Variants in NHLRC2 observed in about 807,000 individuals in gnomAD.
The protein encoded by NHLRC2 is NHL repeat containing 2.
A neutral mutation model predicts 68.1 loss-of-function variants in NHLRC2; 33 were observed. The ratio of observed to expected loss-of-function variants is 0.48; its 90% CI spans 0.37 to 0.65. The LOEUF is 0.65. Among genes scored for constraint, NHLRC2 ranks in the 30% least tolerant of loss-of-function variants. NHLRC2 has a pLI of 0.00. For missense variants in NHLRC2, 761 were observed against 853.8 expected, an observed-to-expected ratio of 0.89 and a Z score of 1.35; for synonymous variants, 311 against 309.6, an observed-to-expected ratio of 1.00 and a Z score of -0.05.
At chr10:113,871,278 C>T (rs1213047798) in intron 2 of NHLRC2, among the ~76,000 whole-genome samples, 1 of 152,132 alleles carries the variant, frequency 6.6e-6, no homozygotes, top group African/African-American at 2.4e-5. Flanking sequence ...CCAGCCTCGG[C>T]CTCCCAAAGT....
Position 113,888,354 on chromosome 10 carries a change from T to C in NHLRC2, c.1039+3974T>C, listed in dbSNP as rs182003645. Among the ~76,000 whole-genome samples the C allele has an allele frequency of 3.3e-3, 496 of 152,312 alleles. 1 individual carries two copies. The highest frequency in any genetic ancestry group is 0.011 in the African/African-American group (472 of 41,560). On this transcript the variant is annotated intron_variant, in intron 5 of 10. Transcript: ENST00000369301. Reference sequence around the variant, plus strand: ...AAAAATGTTGGTATATTCATAGATATATTATTTAGCTTGATTGAATCTTTC... The same window carrying C: ...AAAAATGTTGGTATATTCATAGATACATTATTTAGCTTGATTGAATCTTTC...
At chr10:113,876,109 T>TA (rs74263601) in intron 2 of NHLRC2, among the ~76,000 whole-genome samples, 262 of 144,068 alleles carry the variant, frequency 1.8e-3, no homozygotes, top group African/African-American at 5.7e-3. Flanking sequence ...AAAGTTAGAT[T>TA]AAAAAAAAAA....
intron 5 of NHLRC2, among the ~76,000 whole-genome samples, chr10:113,896,697 A>G (rs1846181184): frequency 6.6e-6 from 1 of 152,236 alleles, no homozygotes; most frequent in African/African-American, 2.4e-5. Context: ...AAGAAAAAAA[A>G]GTATTTGAAC....
In NHLRC2 at chr10:113,854,870, A is replaced by T. The variant is rs1845728212; in HGVS notation, c.-3A>T. ...GCGGCCGCATCGGGAGCCCGGCGGAAACATGGCGGCGCCCGGAGGCCGGGG... is the reference window on the plus strand; with the variant it reads ...GCGGCCGCATCGGGAGCCCGGCGGATACATGGCGGCGCCCGGAGGCCGGGG... On this transcript the variant is annotated 5_prime_UTR_variant, in exon 1 of 11. Coordinates refer to ENST00000369301, the MANE Select transcript of NHLRC2 (RefSeq NM_198514.4). The T allele has an allele frequency of 6.5e-7, 1 of 1,539,622 alleles. No individual in the cohort carries two copies. The highest frequency in any genetic ancestry group is 8.8e-7 in the Non-Finnish European group (1 of 1,142,836).
chr10:113,902,695 A>G, intron 8 of NHLRC2, 102 bp downstream of exon 8: 1 of 1,005,802 alleles, frequency 9.9e-7, no homozygotes, highest in Non-Finnish European at 1.5e-6. Flanking sequence ...TAAAATATAG[A>G]AAGGAGTAAC....
chr10:113,860,966 A>G (rs1199103644), intron 2 of NHLRC2, among the ~76,000 whole-genome samples: 1 of 152,246 alleles, frequency 6.6e-6, no homozygotes, highest in Non-Finnish European at 1.5e-5. Flanking sequence ...AGTAGAAATC[A>G]TAACTTTCTA....
intron 5 of NHLRC2, among the ~76,000 whole-genome samples, chr10:113,887,227 GAAA>G (rs2134719720): frequency 6.6e-6 from 1 of 152,252 alleles, no homozygotes; most frequent in Admixed American, 6.5e-5. Flanking sequence ...TGAGGATGCG[GAAA>G]AAAGAGAACC....
chr10:113,865,284 C>G lies in NHLRC2; in HGVS notation c.331+6604C>G, dbSNP rs546850321. ...GGTTTTTAAAAATCGCTTTTCATCC[C>G]CCCCCCCCGTTCCTCTCACCATATA... On this transcript the variant is annotated intron_variant, in intron 2 of 10. Coordinates refer to ENST00000369301, the MANE Select transcript of NHLRC2 (RefSeq NM_198514.4). Among the ~76,000 whole-genome samples, 112 of 137,304 alleles carry G rather than the reference C, an allele frequency of 8.2e-4. 2 individuals are homozygous for G. Among genetic ancestry groups the G allele is most frequent in the African/African-American group, 2.8e-3 (104 of 37,564 alleles). The allele number at this position is 137,304 out of a possible 152,430, so 90.1% of individuals were successfully genotyped here. A position where few individuals can be genotyped will look rare whatever the true frequency, so the allele number is the denominator to read the frequency against.
In NHLRC2 at chr10:113,904,967, A is replaced by G. The variant is rs1381003313; in HGVS notation, c.1855A>G (p.Arg619Gly). 1.3e-6 allele frequency: 2 copies of G among 1,564,522 alleles called. No individual in the cohort carries two copies. The highest frequency in any genetic ancestry group is 1.7e-6 in the Non-Finnish European group (2 of 1,160,070). Residue 619 changes from arginine to glycine, a missense_variant, in exon 10 of 11, where the codon AGA becomes GGA. Transcript: ENST00000369301. ...TGGCCAGACTCTTCAGTTCAAACTC[A>G]GATTAGACCTCCCATCAGGATCAAA... Reference protein sequence around the residue: ...CAGQTLQFKLRLDLPSGSKLT... With the variant: ...CAGQTLQFKLGLDLPSGSKLT...
At chr10:113,866,295 A>G (rs1845867427) in intron 2 of NHLRC2, among the ~76,000 whole-genome samples, 2 of 152,244 alleles carry the variant, frequency 1.3e-5, no homozygotes, top group Admixed American at 1.3e-4. Flanking sequence ...GATTGTTATT[A>G]ATTAATAATA....
chr10:113,902,404 A>G, intron 7 of NHLRC2, 67 bp from the exon 8 acceptor site: 1 of 1,080,404 alleles, frequency 9.3e-7, no homozygotes, highest in Non-Finnish European at 1.3e-6. Context: ...ATTTTCCTTC[A>G]TATTCTAACA....
In NHLRC2 at chr10:113,903,734, G is replaced by A. The variant is rs1381387851; in HGVS notation, c.1702G>A (p.Val568Met). The stretch of plus-strand genomic sequence containing the variant: ...GGATTTAGAAACTAAAATGGTATCT[G>A]TGGTAAGTAATTTTAAAATATAAGT... ...VMDLETKMVSVLPIFRSENAV... is the reference protein window; with the variant it reads ...VMDLETKMVSMLPIFRSENAV... Residue 568 changes from valine (V) to methionine (M), a missense_variant and splice_region_variant, in exon 9 of 11, where the codon GTG becomes ATG. Transcript: ENST00000369301. 6.8e-7 allele frequency: 1 copy of A among 1,471,742 alleles called. No homozygotes were observed. Among genetic ancestry groups the A allele is most frequent in the Admixed American group, 1.7e-5 (1 of 59,256 alleles). The allele number at this position is 1,471,742 out of a possible 1,614,324, so 91.2% of individuals were successfully genotyped here. A position where few individuals can be genotyped will look rare whatever the true frequency, so the allele number is the denominator to read the frequency against.
At chr10:113,871,793 A>G (rs1394782207) in intron 2 of NHLRC2, among the ~76,000 whole-genome samples, 1 of 152,172 alleles carries the variant, frequency 6.6e-6, no homozygotes, top group Non-Finnish European at 1.5e-5. Flanking sequence ...CCAAACAATA[A>G]AAAAGGGGAG....
chr10:113,870,094 A>G (rs930439759), intron 2 of NHLRC2, among the ~76,000 whole-genome samples: 12 of 152,264 alleles, frequency 7.9e-5, no homozygotes, highest in Admixed American at 7.8e-4. Context: ...TTTTGCTTCT[A>G]GTTTCTCAAA....
At chr10:113,879,408 G>A (rs1846016732) in intron 3 of NHLRC2, among the ~76,000 whole-genome samples, 166 bp from the exon 4 acceptor site, 1 of 152,058 alleles carries the variant, frequency 6.6e-6, no homozygotes, top group Admixed American at 6.6e-5. Flanking sequence ...CCTGTCATTA[G>A]CAAAACTCAC....
rs1564860231 is a variant in NHLRC2 at position 113,908,207 on chromosome 10, C to CTAA, written c.1925-71_1925-70insATA. ...ATAAATATTTGTCGATCGAGTTTAT[C>CTAA]TAGTCTTCATAAGATGTTCCCAGTT... On this transcript the variant is annotated intron_variant, in intron 10 of 10. Transcript: ENST00000369301. 36 of 1,133,696 alleles carry CTAA rather than the reference C, an allele frequency of 3.2e-5. No homozygotes were observed. The South Asian group carries it at 4.7e-4, about 15-fold the overall frequency. The allele number at this position is 1,133,696 out of a possible 1,614,324, so 70.2% of individuals were successfully genotyped here.
At position 113,915,770 on chromosome 10, in the gene NHLRC2, A is replaced by G. The variant is rs1389571739; in HGVS notation, c.*7234A>G. On this transcript the variant is annotated 3_prime_UTR_variant, in exon 11 of 11. Coordinates refer to ENST00000369301, the MANE Select transcript of NHLRC2 (RefSeq NM_198514.4). ...TTCTGCTTCGGCCTCCTGAGTAGCT[A>G]AGACCACAGGTGTGTGCCACCACAC... is the stretch of plus-strand genomic sequence containing the variant. The G allele has an allele frequency of 6.4e-6, 1 of 155,672 alleles. No individual in the cohort carries two copies. The highest frequency in any genetic ancestry group is 1.4e-5 in the Non-Finnish European group (1 of 70,714). 9.6% of individuals were successfully genotyped at this position (155,672 alleles called of 1,614,324 possible).
chr10:113,858,430 C>A, intron 1 of NHLRC2, 98 bp from the exon 2 acceptor site: 1 of 746,572 alleles, frequency 1.3e-6, no homozygotes, highest in Non-Finnish European at 2.2e-6. Context: ...TGTTTATTTG[C>A]ATTAGTCTTA....
Position 113,915,058 on chromosome 10 carries a change from T to G in NHLRC2, c.*6522T>G, listed in dbSNP as rs543864215. 2 of 456,134 alleles carry G rather than the reference T, an allele frequency of 4.4e-6. No homozygotes were observed. Among genetic ancestry groups the G allele is most frequent in the African/African-American group, 2.0e-5 (1 of 50,062 alleles). The allele number at this position is 456,134 out of a possible 1,614,324, so 28.3% of individuals were successfully genotyped here. ...GCATCCCACCTGTTTCTGAGTGTGT[T>G]GGTTTGGTTTAATTCTTTTCAAGGG... On this transcript the variant is annotated 3_prime_UTR_variant, in exon 11 of 11. Coordinates refer to ENST00000369301, the MANE Select transcript of NHLRC2 (RefSeq NM_198514.4).
Sources: gnomAD v4.1 joint callset for allele counts (sites outside exome capture counted in the v4.1 genomes callset) on GRCh38, gnomAD v4.1.1 for gene constraint, MANE v1.5 for transcripts, NCBI Gene and HGNC (gene_info 2026-07-23, HGNC 2026-07-21) for gene names.